The following RALYL variants were observed in gnomAD, a reference collection of about 807,000 sequenced individuals.
RALYL encodes the protein RNA-binding Raly-like protein.
A neutral mutation model predicts 35.1 loss-of-function variants in RALYL; 29 were observed. That is an observed-to-expected ratio of 0.83 (90% confidence interval 0.61 to 1.13). RALYL has a LOEUF of 1.13. RALYL is among the 50% of genes most tolerant of loss of function. RALYL has a pLI of 0.00. For synonymous variants in RALYL, 120 were observed against 127.6 expected (o/e 0.94, Z 0.40); for missense variants, 359 against 360.4 (o/e 1.00, Z 0.03).
At chr8:84,354,293 C>CT (rs1454195007) in intron 1 of RALYL, among the ~76,000 whole-genome samples, 2 of 150,288 alleles carry the variant, frequency 1.3e-5, no homozygotes, top group African/African-American at 2.5e-5. Flanking sequence ...GGATGCAACT[C>CT]TTTTTTTCCC....
At chr8:84,622,074 G>T (rs1405883076) in intron 2 of RALYL, among the ~76,000 whole-genome samples, 4 of 152,132 alleles carry the variant, frequency 2.6e-5, no homozygotes, top group Non-Finnish European at 4.4e-5. Context: ...GAATTAACCA[G>T]AAGTCACAAT....
intron 1 of RALYL, among the ~76,000 whole-genome samples, chr8:84,444,518 G>A (rs1174985200): frequency 6.6e-6 from 1 of 151,994 alleles, no homozygotes; most frequent in Non-Finnish European, 1.5e-5. Flanking sequence ...TTTTCAGCAG[G>A]AAAGAGAAAT....
intron 4 of RALYL, among the ~76,000 whole-genome samples, chr8:84,808,377 A>G (rs1451700703): frequency 1.3e-5 from 2 of 152,140 alleles, no homozygotes; most frequent in East Asian, 1.9e-4. Flanking sequence ...CTATTTTTAT[A>G]CCAGTACCAC....
chr8:84,873,455 A>G, intron 7 of RALYL, 58 bp downstream of exon 7: 1 of 1,053,346 alleles, frequency 9.5e-7, no homozygotes, highest in South Asian at 1.4e-5. Flanking sequence ...GTTGTCAATC[A>G]CAGAAGCAGT....
chr8:84,437,192 C>T (rs1221760971), intron 1 of RALYL, among the ~76,000 whole-genome samples: 14 of 152,188 alleles, frequency 9.2e-5, no homozygotes, highest in East Asian at 3.9e-4. Context: ...CTGCAAAGGA[C>T]GTGATTTCAT....
intron 2 of RALYL, among the ~76,000 whole-genome samples, chr8:84,688,932 G>A (rs1380194767): frequency 6.6e-6 from 1 of 151,856 alleles, no homozygotes; most frequent in Non-Finnish European, 1.5e-5. Flanking sequence ...CTCAAGAGAA[G>A]ACATACAAAG....
chr8:84,774,145 G>T (rs1024744589), intron 2 of RALYL, among the ~76,000 whole-genome samples: 12 of 152,248 alleles, frequency 7.9e-5, no homozygotes, highest in African/African-American at 2.9e-4. Flanking sequence ...TTTGAGACCA[G>T]GAGTTCAAGG....
chr8:84,874,287 A>C (rs758672829), intron 7 of RALYL, among the ~76,000 whole-genome samples: 2 of 152,280 alleles, frequency 1.3e-5, no homozygotes, highest in African/African-American at 4.8e-5. Flanking sequence ...AAAATAAATA[A>C]ATAAATAAAG....
At chr8:84,420,655 T>C (rs1237773235) in intron 1 of RALYL, among the ~76,000 whole-genome samples, 1 of 131,116 alleles carries the variant, frequency 7.6e-6, no homozygotes, top group Non-Finnish European at 1.6e-5. Context: ...GCCTAGGTTT[T>C]CTTCTAGGGT....
intron 1 of RALYL, among the ~76,000 whole-genome samples, chr8:84,291,812 AT>A (rs1221225544): frequency 6.6e-6 from 1 of 151,702 alleles, no homozygotes; most frequent in Non-Finnish European, 1.5e-5. Flanking sequence ...ATAATTAAGA[AT>A]AAATAGTGGT....
chr8:84,568,724 CTT>C (rs1248304895), intron 2 of RALYL, among the ~76,000 whole-genome samples: 7 of 133,650 alleles, frequency 5.2e-5, no homozygotes, highest in African/African-American at 2.0e-4. Context: ...TGTTTCCTGA[CTT>C]TTTAATGATT....
intron 1 of RALYL, among the ~76,000 whole-genome samples, chr8:84,477,049 G>T (rs1177319705): frequency 6.6e-6 from 1 of 152,142 alleles, no homozygotes; most frequent in East Asian, 1.9e-4. Context: ...AAAACATGGT[G>T]ATAAATTTGA....
chr8:84,206,737 C>CG (rs1386982210), intron 1 of RALYL, among the ~76,000 whole-genome samples: 1 of 151,964 alleles, frequency 6.6e-6, no homozygotes, highest in Non-Finnish European at 1.5e-5. Flanking sequence ...GAGATTGTGG[C>CG]GCGACATTTA....
chr8:84,233,861 C>G (rs1299938029), intron 1 of RALYL, among the ~76,000 whole-genome samples: 4 of 152,104 alleles, frequency 2.6e-5, no homozygotes, highest in Non-Finnish European at 4.4e-5. Flanking sequence ...CATGTTTCAT[C>G]TTAGTCATTT....
At chr8:84,677,787 T>C (rs536854376) in intron 2 of RALYL, among the ~76,000 whole-genome samples, 1 of 152,286 alleles carries the variant, frequency 6.6e-6, no homozygotes, top group African/African-American at 2.4e-5. Context: ...GTGAAATGAC[T>C]TTTTTTATGA....
intron 2 of RALYL, among the ~76,000 whole-genome samples, chr8:84,586,487 A>G (rs1812043900): frequency 6.6e-6 from 1 of 152,326 alleles, no homozygotes; most frequent in East Asian, 1.9e-4. Context: ...TAAGAATCCA[A>G]TAAATCAGAA....
At chr8:84,424,062 C>T (rs1184903116) in intron 1 of RALYL, among the ~76,000 whole-genome samples, 4 of 151,972 alleles carry the variant, frequency 2.6e-5, no homozygotes, top group East Asian at 1.9e-4. Context: ...ATCTTTGTGG[C>T]GTTCTCTCTA....
intron 4 of RALYL, among the ~76,000 whole-genome samples, chr8:84,821,209 A>G (rs1240391339): frequency 6.6e-6 from 1 of 152,214 alleles, no homozygotes; most frequent in African/African-American, 2.4e-5. Context: ...AGTTCAAAGT[A>G]TTGACTATCC....
chr8:84,613,398 A>T (rs1373923147), intron 2 of RALYL, among the ~76,000 whole-genome samples: 1 of 151,610 alleles, frequency 6.6e-6, no homozygotes, highest in Non-Finnish European at 1.5e-5. Context: ...ATGTGACATT[A>T]TCCTGACTCT....
Sources: allele counts gnomAD v4.1 joint callset (sites outside exome capture counted in the v4.1 genomes callset), GRCh38; gene constraint gnomAD v4.1.1; transcripts MANE v1.5; gene names NCBI Gene and HGNC (gene_info 2026-07-23, HGNC 2026-07-21).